NAV1: variants seen among roughly 807,000 people sequenced by gnomAD.
The protein encoded by NAV1 is pore membrane and/or filament interacting like protein 3.
Under a neutral mutation model 175.2 loss-of-function variants are expected in NAV1, and 18 were observed. The ratio of observed to expected loss-of-function variants is 0.10; its 90% confidence interval spans 0.07 to 0.15. The LOEUF (loss-of-function observed/expected upper bound fraction) is 0.15. Ranked by LOEUF, NAV1 falls within the 10% of genes least tolerant of loss-of-function variation. The pLI is 1.00. For synonymous variants in NAV1, 897 were observed against 978.7 expected, an observed-to-expected ratio of 0.92 and a Z score of 1.56; for missense variants, 1,731 against 2,436.6, an observed-to-expected ratio of 0.71 and a Z score of 6.10.
intron 1 of NAV1, among the ~76,000 whole-genome samples, chr1:201,554,611 G>C (rs1382143165): frequency 2.6e-5 from 4 of 152,184 alleles, no homozygotes; most frequent in African/African-American, 4.8e-5. Context: ...ACATGGGAGG[G>C]ACACAACAGA....
At chr1:201,713,946 T>C (rs1166627673) in intron 2 of NAV1, among the ~76,000 whole-genome samples, 1 of 152,242 alleles carries the variant, frequency 6.6e-6, no homozygotes, top group African/African-American at 2.4e-5. Context: ...TACCTTTCTT[T>C]TTTTATTTTT....
chr1:201,698,089 C>T (rs1671265018), intron 1 of NAV1, among the ~76,000 whole-genome samples: 1 of 152,190 alleles, frequency 6.6e-6, no homozygotes, highest in South Asian at 2.1e-4. Context: ...TCGTCTGATG[C>T]CCAGAGCCAG....
At chr1:201,550,028 A>G (rs1380404842) in intron 1 of NAV1, among the ~76,000 whole-genome samples, 1 of 148,050 alleles carries the variant, frequency 6.8e-6, no homozygotes, top group Admixed American at 6.7e-5. Context: ...AAAAAAAAAA[A>G]AAAAAAAGAC....
At chr1:201,543,345 G>T (rs1237153803) in intron 1 of NAV1, among the ~76,000 whole-genome samples, 1 of 152,036 alleles carries the variant, frequency 6.6e-6, no homozygotes, top group Non-Finnish European at 1.5e-5. Flanking sequence ...TCACAAAGGG[G>T]TGTTGAATTT....
intron 1 of NAV1, among the ~76,000 whole-genome samples, chr1:201,575,547 G>T (rs1038308746): frequency 2.0e-5 from 3 of 152,194 alleles, no homozygotes; most frequent in African/African-American, 7.2e-5. Flanking sequence ...TGTCCAATGG[G>T]ATGATGAAGG....
At chr1:201,547,334 C>T (rs1446222367) in intron 1 of NAV1, among the ~76,000 whole-genome samples, 2 of 152,132 alleles carry the variant, frequency 1.3e-5, no homozygotes, top group African/African-American at 4.8e-5. Context: ...CAATCATACC[C>T]GTTAGTACTG....
intron 1 of NAV1, among the ~76,000 whole-genome samples, chr1:201,557,182 A>G (rs145034951): frequency 3.3e-4 from 51 of 152,340 alleles, no homozygotes; most frequent in Middle Eastern, 3.4e-3. Context: ...AGCCCCAATC[A>G]TTCAGCCAGA....
intron 3 of NAV1, among the ~76,000 whole-genome samples, chr1:201,756,053 G>A (rs1217608738): frequency 6.7e-6 from 1 of 150,242 alleles, no homozygotes; most frequent in African/African-American, 2.5e-5. Flanking sequence ...GTTGCAGTGA[G>A]CTGAGGTTGC....
intron 2 of NAV1, 136 bp downstream of exon 6, chr1:201,713,055 AAGG>A (rs948561862): frequency 9.6e-6 from 6 of 624,734 alleles, no homozygotes; most frequent in African/African-American, 9.2e-5. Context: ...GCCACTGCAG[AAGG>A]AGGAGGAAAT....
At chr1:201,757,201 C>T (rs967091736) in intron 3 of NAV1, among the ~76,000 whole-genome samples, 2 of 152,176 alleles carry the variant, frequency 1.3e-5, no homozygotes, top group East Asian at 3.8e-4. Context: ...AGCAGTCTCT[C>T]CTCAAGATCT....
exon 1 of NAV1, chr1:201,648,924 C>T: frequency 6.2e-6 from 10 of 1,612,826 alleles, no homozygotes; most frequent in Non-Finnish European, 8.5e-6. Flanking sequence ...CTCCAACCTG[C>T]GCAAGCAGAA....
upstream of NAV1, among the ~76,000 whole-genome samples, chr1:201,619,149 C>T (rs1408344975): frequency 1.3e-5 from 2 of 152,216 alleles, no homozygotes; most frequent in African/African-American, 4.8e-5. Context: ...TTTAAATCCT[C>T]CTCCCATCGA....
At chr1:201,619,770 G>A (rs939447165), upstream of NAV1, among the ~76,000 whole-genome samples, 7 of 152,212 alleles carry the variant, frequency 4.6e-5, no homozygotes, top group Non-Finnish European at 1.0e-4. Context: ...TGAGGAAGAG[G>A]CAGGAGGCAG....
At chr1:201,617,793 T>C (rs1271405737) in intron 2 of NAV1, among the ~76,000 whole-genome samples, 18 of 152,226 alleles carry the variant, frequency 1.2e-4, no homozygotes, top group Non-Finnish European at 4.4e-5. Context: ...ATCCAGGAGA[T>C]GAGGGCCATT....
intron 1 of NAV1, 122 bp downstream of exon 5, chr1:201,649,547 A>C: frequency 5.0e-6 from 7 of 1,413,924 alleles, no homozygotes; most frequent in Non-Finnish European, 6.5e-6. Flanking sequence ...CCTGTTCACG[A>C]TCAGGCTGTG....
intron 2 of NAV1, among the ~76,000 whole-genome samples, chr1:201,602,003 G>C (rs1667527993): frequency 6.6e-6 from 1 of 152,068 alleles, no homozygotes; most frequent in Admixed American, 6.5e-5. Flanking sequence ...AGCACCTCAG[G>C]ATGGGTTCCG....
At position 201,718,411 on chromosome 1, in the gene NAV1, C is replaced by T. The variant is rs140103243; in HGVS notation, c.882C>T (p.Tyr294=). Residue 294 remains tyrosine, a synonymous_variant, in exon 3 of 30, where the codon TAC becomes TAT. Transcript: ENST00000367296. The surrounding 1 kb of genome is among the most constrained non-coding windows in gnomAD (Gnocchi z 4.8). ...CCAGCTCCCTGGAGATGACCTGCTA[C>T]GACAGCGATGATGCCAACCCACGCA... The T allele has an allele frequency of 1.7e-5, 27 of 1,544,030 alleles. No individual in the cohort carries two copies. In the African/African-American group the frequency reaches 1.9e-4, roughly 11 times the overall value.
intron 1 of NAV1, among the ~76,000 whole-genome samples, chr1:201,560,663 C>G (rs1666170191): frequency 6.6e-6 from 1 of 152,230 alleles, no homozygotes; most frequent in Non-Finnish European, 1.5e-5. Flanking sequence ...CCCAGTCCTT[C>G]AATGCCCAAG....
chr1:201,594,937 C>T (rs895636499), intron 2 of NAV1, among the ~76,000 whole-genome samples: 1 of 152,250 alleles, frequency 6.6e-6, no homozygotes, highest in African/African-American at 2.4e-5. Context: ...TGCAGGAGGG[C>T]ATCTGGGCTA....
Sources: allele counts gnomAD v4.1 joint callset (sites outside exome capture counted in the v4.1 genomes callset), GRCh38; gene constraint gnomAD v4.1.1; non-coding constraint Gnocchi (gnomAD v3.1); transcripts MANE v1.5; gene names NCBI Gene and HGNC (gene_info 2026-07-23, HGNC 2026-07-21).